The following LINC00305 variants were observed in gnomAD, a reference collection of about 807,000 sequenced individuals.
LINC00305 encodes long independently transcribed non-coding RNA 305, also known as long intergenic non-protein coding RNA 305.
intron 1 of LINC00305, among the ~76,000 whole-genome samples, chr18:64,145,738 G>A (rs1247429222): frequency 6.6e-6 from 1 of 152,144 alleles, no homozygotes; most frequent in Non-Finnish European, 1.5e-5. Flanking sequence ...TATCAAAACT[G>A]TGTTGCTCTA....
chr18:64,112,529 G>A (rs991527055), intron 1 of LINC00305, among the ~76,000 whole-genome samples: 2 of 152,090 alleles, frequency 1.3e-5, no homozygotes, highest in African/African-American at 4.8e-5. Flanking sequence ...TATTTTTATT[G>A]AGAACAGAGG....
rs74992100 is a variant in LINC00305, at chr18:64,131,269, C to T, written n.314+17506G>A. On this transcript the variant is annotated intron_variant and non_coding_transcript_variant, in intron 1 of 3. Coordinates refer to ENST00000666468, the Ensembl canonical transcript of LINC00305. ...CATGCTACCATTTATTTTTAAAATG[C>T]GGTATTCATTTCTTTATCATTTTAG... is the stretch of plus-strand genomic sequence containing the variant. Among the ~76,000 whole-genome samples, 56 of 152,240 alleles carry T rather than the reference C, an allele frequency of 3.7e-4. 1 individual carries two copies. The East Asian group carries it at 9.8e-3, about 27-fold the overall frequency.
intron 1 of LINC00305, among the ~76,000 whole-genome samples, chr18:64,100,605 AATTG>A (rs1391484963): frequency 6.6e-6 from 1 of 152,212 alleles, no homozygotes; most frequent in Non-Finnish European, 1.5e-5. Flanking sequence ...TCTTTGAATG[AATTG>A]ATTTTCTCTT....
At chr18:64,120,639 T>C (rs566674692) in intron 1 of LINC00305, among the ~76,000 whole-genome samples, 4 of 152,272 alleles carry the variant, frequency 2.6e-5, no homozygotes, top group East Asian at 3.9e-4. Context: ...ATGTTCAATG[T>C]AGGAAAGTTG....
chr18:64,126,739 T>C (rs1446768504), intron 1 of LINC00305, among the ~76,000 whole-genome samples: 1 of 152,122 alleles, frequency 6.6e-6, no homozygotes, highest in African/African-American at 2.4e-5. Context: ...TCATGTTGCT[T>C]ACAGACTTTT....
chr18:64,105,241 A>C (rs1020990182), intron 1 of LINC00305, among the ~76,000 whole-genome samples: 2 of 151,638 alleles, frequency 1.3e-5, no homozygotes, highest in African/African-American at 4.9e-5. Flanking sequence ...TGGGCGGATC[A>C]CCTGAGGTCA....
At chr18:64,137,519 C>T (rs1599230201) in intron 1 of LINC00305, among the ~76,000 whole-genome samples, 1 of 152,186 alleles carries the variant, frequency 6.6e-6, no homozygotes, top group East Asian at 1.9e-4. Context: ...ATTATGAGCA[C>T]ATATGTGGAC....
intron 3 of LINC00305, among the ~76,000 whole-genome samples, chr18:64,085,624 C>A (rs2144891807): frequency 6.6e-6 from 1 of 152,174 alleles, no homozygotes; most frequent in African/African-American, 2.4e-5. Context: ...CTATGCCCAG[C>A]TAATTTTTGA....
chr18:64,135,096 C>G (rs2051426623), intron 1 of LINC00305, among the ~76,000 whole-genome samples: 1 of 152,150 alleles, frequency 6.6e-6, no homozygotes, highest in Admixed American at 6.5e-5. Context: ...TGTTCCAGGC[C>G]TGTCTCTGGT....
At chr18:64,114,218 C>A (rs2051327741) in intron 1 of LINC00305, among the ~76,000 whole-genome samples, 1 of 152,080 alleles carries the variant, frequency 6.6e-6, no homozygotes, top group African/African-American at 2.4e-5. Flanking sequence ...TGCAGTGAGC[C>A]GAGATTGCGC....
chr18:64,123,813 G>T (rs9960230), intron 1 of LINC00305, among the ~76,000 whole-genome samples: 24,586 of 151,904 alleles, frequency 0.16, 2,068 homozygotes, highest in African/African-American at 0.19. Context: ...ATTATGAAAA[G>T]ATTAATGCCC....
intron 1 of LINC00305, among the ~76,000 whole-genome samples, chr18:64,101,718 G>T (rs1224745471): frequency 1.3e-5 from 2 of 152,118 alleles, no homozygotes; most frequent in African/African-American, 4.8e-5. Flanking sequence ...AGTTTTTGGG[G>T]AACACTGTTT....
At chr18:64,130,866 A>T (rs924509515) in intron 1 of LINC00305, among the ~76,000 whole-genome samples, 1 of 152,204 alleles carries the variant, frequency 6.6e-6, no homozygotes, top group African/African-American at 2.4e-5. Flanking sequence ...GGAAGGAGAT[A>T]TGGTAGATAA....
At chr18:64,093,545 G>GT (rs1490175546) in intron 3 of LINC00305, among the ~76,000 whole-genome samples, 1 of 152,094 alleles carries the variant, frequency 6.6e-6, no homozygotes, top group Non-Finnish European at 1.5e-5. Context: ...TGTTGGCCAG[G>GT]TTGGTCTCGA....
At chr18:64,097,289 A>C (rs2051248576) in intron 3 of LINC00305, among the ~76,000 whole-genome samples, 1 of 152,034 alleles carries the variant, frequency 6.6e-6, no homozygotes, top group African/African-American at 2.4e-5. Flanking sequence ...TATTTTCAAG[A>C]TTTTCTGTAT....
intron 1 of LINC00305, among the ~76,000 whole-genome samples, chr18:64,113,729 G>A (rs879524723): frequency 6.6e-6 from 1 of 152,208 alleles, no homozygotes; most frequent in Non-Finnish European, 1.5e-5. Flanking sequence ...AGACCCAAAT[G>A]TGTAGGGCAG....
At chr18:64,085,469 T>C (rs1211038044) in intron 3 of LINC00305, among the ~76,000 whole-genome samples, 1 of 151,542 alleles carries the variant, frequency 6.6e-6, no homozygotes, top group Non-Finnish European at 1.5e-5. Flanking sequence ...TTTGTCACTT[T>C]TTTTTTTTTT....
intron 3 of LINC00305, among the ~76,000 whole-genome samples, chr18:64,094,156 T>C (rs186078469): frequency 6.6e-6 from 1 of 152,118 alleles, no homozygotes; most frequent in East Asian, 1.9e-4. Flanking sequence ...ATGGCCAAAA[T>C]GATAGCAAAC....
At chr18:64,129,471 T>A (rs2051399862) in intron 1 of LINC00305, among the ~76,000 whole-genome samples, 1 of 152,164 alleles carries the variant, frequency 6.6e-6, no homozygotes. Context: ...GCTGCAGGGA[T>A]GCCCCAATGC....
Sources: allele counts gnomAD v4.1 joint callset (sites outside exome capture counted in the v4.1 genomes callset), GRCh38; gene constraint gnomAD v4.1.1; transcripts MANE v1.5; gene names NCBI Gene and HGNC (gene_info 2026-07-23, HGNC 2026-07-21).